NAV2: variants seen among roughly 807,000 people sequenced by gnomAD.
The protein encoded by NAV2 is helicase, APC down-regulated 1.
A neutral mutation model predicts 223.2 loss-of-function variants in NAV2; 54 were observed. That is an observed-to-expected ratio of 0.24 (90% CI 0.19 to 0.30). The LOEUF (loss-of-function observed/expected upper bound fraction) is 0.30. Ranked by LOEUF, NAV2 falls within the 10% of genes least tolerant of loss-of-function variation. The pLI, the probability that NAV2 is intolerant of heterozygous loss-of-function variation, is 1.00. For synonymous variants in NAV2, 1,279 were observed against 1,239.3 expected, an observed-to-expected ratio of 1.03 and a Z score of -0.67; for missense variants, 2,806 against 3,147.5, an observed-to-expected ratio of 0.89 and a Z score of 2.60.
intron 1 of NAV2, among the ~76,000 whole-genome samples, chr11:19,537,669 G>A (rs1036616828): frequency 6.6e-5 from 10 of 152,192 alleles, no homozygotes; most frequent in South Asian, 2.1e-4. Flanking sequence ...AGATATGGTC[G>A]CCTTTACTAT....
chr11:20,114,041 G>A (rs933352855), intron 36 of NAV2, among the ~76,000 whole-genome samples: 1 of 152,010 alleles, frequency 6.6e-6, no homozygotes, highest in African/African-American at 2.4e-5. Flanking sequence ...ATTAAGCCAG[G>A]GCCATTGTGA....
chr11:19,386,772 A>G lies in NAV2; in HGVS notation c.75+35745A>G, dbSNP rs1849059460. Among the ~76,000 whole-genome samples, 4 of 152,150 alleles carry G rather than the reference A, an allele frequency of 2.6e-5. No individual in the cohort carries two copies. In the South Asian group the frequency reaches 8.3e-4, roughly 32 times the overall value. On this transcript the variant is annotated intron_variant, in intron 1 of 37. Transcript: ENST00000360655. ...AGCCCCTTATCTCTGTGACTCGAAA[A>G]GGCAATGGGTAAAGGGTAAAACAAG...
chr11:19,408,824 T>TG (rs748044849), intron 1 of NAV2, among the ~76,000 whole-genome samples: 6 of 150,246 alleles, frequency 4.0e-5, no homozygotes, highest in South Asian at 2.1e-4. Flanking sequence ...TCTGGCGGGG[T>TG]GGGGGGATGT....
chr11:20,054,139 A>G lies in NAV2; in HGVS notation c.4541A>G (p.His1514Arg). ...GATGCAAAAGAATGGTTACGGTCCC[A>G]TTCTGCAGGAGGCCTTCAGGACACC... ...QEDAKEWLRS[H>R]SAGGLQDTAA... The change falls in exon 18 of 38, where the codon CAT becomes CGT. Residue 1514 changes from histidine (H) to arginine (R), a missense_variant. His to Arg is a conservative substitution (Grantham distance 29, BLOSUM62 0). Around this residue, in one of 4 missense-constraint regions of NAV2, gnomAD observed 742 missense variants for 777.9 expected, o/e 0.95. Coordinates refer to ENST00000349880, the MANE Select transcript of NAV2 (RefSeq NM_145117.5). 6.2e-7 allele frequency: 1 copy of G among 1,613,814 alleles called. No individual in the cohort carries two copies. The highest frequency in any genetic ancestry group is 8.5e-7 in the Non-Finnish European group (1 of 1,179,956).
chr11:19,447,542 C>T (rs542826785), intron 1 of NAV2, among the ~76,000 whole-genome samples: 21 of 152,292 alleles, frequency 1.4e-4, no homozygotes, highest in Non-Finnish European at 2.2e-4. Context: ...TGGGGGAAGG[C>T]GAGACGATGC....
chr11:20,014,984 T>A (rs1001800421), intron 11 of NAV2, among the ~76,000 whole-genome samples: 2 of 152,076 alleles, frequency 1.3e-5, no homozygotes, highest in Non-Finnish European at 2.9e-5. Context: ...TAGTCCCAGC[T>A]ACTGGGGAGG....
intron 6 of NAV2, among the ~76,000 whole-genome samples, chr11:19,931,197 G>A (rs1190965434): frequency 6.6e-6 from 1 of 152,196 alleles, no homozygotes; most frequent in African/African-American, 2.4e-5. Context: ...CGTCAAGCCT[G>A]TAGCAACCCT....
intron 6 of NAV2, among the ~76,000 whole-genome samples, chr11:19,903,512 A>G (rs994237668): frequency 2.0e-5 from 3 of 152,186 alleles, no homozygotes; most frequent in African/African-American, 7.2e-5. Context: ...GCAAAGGTAA[A>G]GGCAGCCTCT....
At chr11:19,584,015 T>A (rs1475040660) in intron 1 of NAV2, among the ~76,000 whole-genome samples, 2 of 152,222 alleles carry the variant, frequency 1.3e-5, no homozygotes, top group Non-Finnish European at 2.9e-5. Context: ...CCTGGACTTT[T>A]TTTTGGTTGG....
chr11:19,637,629 G>A (rs747923288), intron 1 of NAV2, among the ~76,000 whole-genome samples: 12 of 152,260 alleles, frequency 7.9e-5, no homozygotes, highest in Non-Finnish European at 1.5e-5. Context: ...TACTCATGCA[G>A]AAGGCAAAGG....
At position 19,832,873 on chromosome 11, in the gene NAV2, A is replaced by G. The variant is rs111675672; in HGVS notation, c.385+272A>G. On this transcript the variant is annotated intron_variant, in intron 2 of 37. Coordinates refer to ENST00000349880, the MANE Select transcript of NAV2 (RefSeq NM_145117.5). Reference sequence around the variant, plus strand: ...GAGGGAAATGCTGGTGGTTTGGGGAAGATGTGTTCTGCACCACTTCTTGCC... The same window carrying G: ...GAGGGAAATGCTGGTGGTTTGGGGAGGATGTGTTCTGCACCACTTCTTGCC... 8.6e-3 allele frequency among the ~76,000 whole-genome samples: 1,316 copies of G among 152,288 alleles called. 16 individuals carry two copies. The highest frequency in any genetic ancestry group is 0.03 in the African/African-American group (1,262 of 41,548).
intron 1 of NAV2, among the ~76,000 whole-genome samples, chr11:19,749,317 T>C (rs1316951610): frequency 1.3e-5 from 2 of 152,176 alleles, no homozygotes; most frequent in Admixed American, 6.5e-5. Context: ...CTCCCAGATT[T>C]TCCTCACCTC....
intron 1 of NAV2, among the ~76,000 whole-genome samples, chr11:19,695,305 A>G (rs772797783): frequency 1.1e-4 from 16 of 152,228 alleles, no homozygotes; most frequent in Non-Finnish European, 7.3e-5. Flanking sequence ...GCCACTTAAT[A>G]ATGGAAGTGG....
At chr11:19,704,008 G>A (rs2049585857) in intron 1 of NAV2, among the ~76,000 whole-genome samples, 1 of 150,466 alleles carries the variant, frequency 6.6e-6, no homozygotes, top group Admixed American at 6.6e-5. Context: ...AGAATCCTAG[G>A]TCTGGTTTTT....
chr11:19,841,181 G>A (rs1223098500), intron 2 of NAV2, among the ~76,000 whole-genome samples: 1 of 151,924 alleles, frequency 6.6e-6, no homozygotes, highest in East Asian at 1.9e-4. Context: ...TATTACTTCT[G>A]GCAGGTTCTA....
At chr11:19,428,048 G>C (rs1850901968) in intron 1 of NAV2, among the ~76,000 whole-genome samples, 1 of 151,970 alleles carries the variant, frequency 6.6e-6, no homozygotes, top group Non-Finnish European at 1.5e-5. Flanking sequence ...GTCCAAATTA[G>C]AAAGAACTTC....
intron 1 of NAV2, among the ~76,000 whole-genome samples, chr11:19,446,887 G>A (rs1404938327): frequency 6.6e-6 from 1 of 152,196 alleles, no homozygotes; most frequent in Non-Finnish European, 1.5e-5. Context: ...ACCAGGGAAA[G>A]GGGAGCCAAG....
At chr11:20,014,744 A>T (rs1014510883) in intron 11 of NAV2, among the ~76,000 whole-genome samples, 3 of 152,146 alleles carry the variant, frequency 2.0e-5, no homozygotes, top group Non-Finnish European at 4.4e-5. Flanking sequence ...TCTACTAAAA[A>T]TACAAAAATT....
chr11:19,599,233 C>A (rs1427003101), intron 1 of NAV2, among the ~76,000 whole-genome samples: 1 of 152,168 alleles, frequency 6.6e-6, no homozygotes, highest in African/African-American at 2.4e-5. Flanking sequence ...TGCTTTTTTT[C>A]TCACCATGTT....
Sources: allele counts gnomAD v4.1 joint callset (sites outside exome capture counted in the v4.1 genomes callset), GRCh38; gene constraint gnomAD v4.1.1; regional missense constraint gnomAD v4.1.1; transcripts MANE v1.5; gene names NCBI Gene and HGNC (gene_info 2026-07-23, HGNC 2026-07-21).